Variants in MYOM2 observed in about 807,000 individuals in gnomAD.
The protein encoded by MYOM2 is myomesin 2.
MYOM2 carries 254 observed loss-of-function variants against 187.6 expected under a neutral mutation model. The observed-to-expected ratio is 1.35, with a 90% confidence interval of 1.22 to 1.50. MYOM2 has a LOEUF of 1.50. Ranked by LOEUF, MYOM2 falls within the 40% of genes most tolerant of loss-of-function variation. The probability of loss-of-function intolerance (pLI) is 0.00; values close to 1 mark genes in which losing one functional copy is unlikely to be tolerated. For synonymous variants in MYOM2, 981 were observed against 753.8 expected, an observed-to-expected ratio of 1.30 and a Z score of -4.94; for missense variants, 2,796 against 1,924.0, an observed-to-expected ratio of 1.45 and a Z score of -8.48.
chr8:2,067,336 C>G (rs758637091), intron 6 of MYOM2, among the ~76,000 whole-genome samples: 4 of 152,124 alleles, frequency 2.6e-5, no homozygotes, highest in Non-Finnish European at 4.4e-5. Context: ...TGTGTTGTTT[C>G]TTTTCCCACG....
At chr8:2,051,760 C>G (rs751769633) in intron 2 of MYOM2, among the ~76,000 whole-genome samples, 1 of 152,116 alleles carries the variant, frequency 6.6e-6, no homozygotes, top group East Asian at 1.9e-4. Flanking sequence ...CACCCCAGGG[C>G]GGGCATGTGC....
intron 10 of MYOM2, among the ~76,000 whole-genome samples, chr8:2,074,778 T>A (rs540290899): frequency 1.4e-4 from 22 of 152,310 alleles, no homozygotes; most frequent in African/African-American, 5.3e-4. Flanking sequence ...TTTATCAGTG[T>A]CTGTTTCACT....
chr8:2,128,798 G>A (rs1032218165), intron 31 of MYOM2, among the ~76,000 whole-genome samples: 2 of 152,180 alleles, frequency 1.3e-5, no homozygotes, highest in East Asian at 1.9e-4. Flanking sequence ...AACTCACGTA[G>A]CATTTGCCAT....
At chr8:2,114,883 T>C (rs946542783) in intron 25 of MYOM2, among the ~76,000 whole-genome samples, 1 of 152,098 alleles carries the variant, frequency 6.6e-6, no homozygotes, top group African/African-American at 2.4e-5. Context: ...ATGTGACAAA[T>C]TTATATACTG....
At chr8:2,120,689 A>ATATATATAT in intron 28 of MYOM2, among the ~76,000 whole-genome samples, 1 of 42,416 alleles carries the variant, frequency 2.4e-5, no homozygotes, top group Non-Finnish European at 4.7e-5. Context: ...ATTATATATA[A>ATATATATAT]ATATATAATA....
intron 34 of MYOM2, among the ~76,000 whole-genome samples, chr8:2,141,834 G>A (rs544963990): frequency 8.5e-5 from 13 of 152,202 alleles, no homozygotes; most frequent in African/African-American, 2.6e-4. Context: ...CCAAGATGGC[G>A]GTGCTGCTGC....
intron 28 of MYOM2, among the ~76,000 whole-genome samples, chr8:2,121,896 C>T (rs757085425): frequency 1.1e-4 from 16 of 152,064 alleles, no homozygotes; most frequent in Non-Finnish European, 2.1e-4. Context: ...AGTTTAGGTG[C>T]CCATATTTTA....
intron 13 of MYOM2, among the ~76,000 whole-genome samples, chr8:2,084,555 A>T (rs1819742374): frequency 6.6e-6 from 1 of 152,300 alleles, no homozygotes; most frequent in African/African-American, 2.4e-5. Context: ...CTCCTTATGA[A>T]AATCTCCTAT....
chr8:2,072,447 G>T lies in MYOM2; in HGVS notation c.896G>T (p.Cys299Phe), dbSNP rs373509557. The T allele has an allele frequency of 1.2e-6, 2 of 1,614,030 alleles. No individual in the cohort carries two copies. The highest frequency in any genetic ancestry group is 2.7e-5 in the African/African-American group (2 of 74,954). The change falls in exon 9 of 37, where the codon TGC becomes TTC. Residue 299 changes from cysteine to phenylalanine, a missense_variant. Physicochemically the swap from Cys to Phe is radical, Grantham distance 205. Coordinates refer to ENST00000262113, the MANE Select transcript of MYOM2 (RefSeq NM_003970.4). The part of the protein sequence containing the change: ...RREGETVTLK[C>F]TMLVTPDLKR... ...GAAGGCGAGACGGTCACTCTCAAGT[G>T]CACCATGCTGGTGACGCCGGACCTG... is the stretch of plus-strand genomic sequence containing the variant.
intron 19 of MYOM2, among the ~76,000 whole-genome samples, chr8:2,099,932 G>C (rs10106247): frequency 0.37 from 56,106 of 151,524 alleles, 11,233 homozygotes; most frequent in East Asian, 0.52. Flanking sequence ...CGTCTTTTGA[G>C]TTAGCAAATC....
Position 2,078,751 on chromosome 8 carries a change from A to G in MYOM2, c.1280A>G (p.Asn427Ser), listed in dbSNP as rs1299943362. The stretch of plus-strand genomic sequence containing the variant: ...ACTTGAAGATGTGAAGTAGGAACGA[A>G]TAATTGGGTGCAGTGCAATGATGCA... ...YFVDRCEVGT[N>S]NWVQCNDAPV... is the part of the protein sequence containing the mutation. The change falls in exon 12 of 37, where the codon AAT (asparagine) becomes AGT (serine). Residue 427 changes from asparagine (N) to serine (S), a missense_variant. Physicochemically the swap from Asn to Ser is conservative, Grantham distance 46. Coordinates refer to ENST00000262113, the MANE Select transcript of MYOM2 (RefSeq NM_003970.4). 2.5e-6 allele frequency: 4 copies of G among 1,614,166 alleles called. No individual in the cohort carries two copies. Among genetic ancestry groups the G allele is most frequent in the African/African-American group, 1.3e-5 (1 of 75,030 alleles).
intron 6 of MYOM2, among the ~76,000 whole-genome samples, chr8:2,066,385 C>T (rs1056334409): frequency 2.6e-5 from 4 of 152,200 alleles, no homozygotes; most frequent in Non-Finnish European, 5.9e-5. Context: ...CATTCGAATC[C>T]TTCCAGCGGT....
intron 24 of MYOM2, 94 bp downstream of exon 24, chr8:2,108,924 G>A (rs1475322043): frequency 1.6e-6 from 2 of 1,245,678 alleles, no homozygotes; most frequent in African/African-American, 1.5e-5. Flanking sequence ...ACAGCTTTGG[G>A]GAAAGGATGG....
intron 14 of MYOM2, among the ~76,000 whole-genome samples, chr8:2,086,444 TACTGTCGTGATCTCCACGTGGCCACAC>T (rs1462142941): frequency 3.4e-5 from 3 of 88,240 alleles, no homozygotes; most frequent in African/African-American, 6.0e-5. Context: ...CGTGGCCCCC[TACTGTCGTGATCTCCACGTGGCCACAC>T]ACTGTCATGA....
At position 2,057,438 on chromosome 8, in the gene MYOM2, A is replaced by T. The variant is rs767115007; in HGVS notation, c.354A>T (p.Ala118=). The change falls in exon 4 of 37, where the codon GCA becomes GCT. Residue 118 remains alanine (A), a synonymous_variant. Transcript: ENST00000262113. ...LAHLEEDVHL[A]RSQARDKLDK... Reference sequence around the variant, plus strand: ...ACTTGGAGGAGGATGTCCACCTGGCACGCTCCCAGGCCCGCGACAAGCTGG... The same window carrying T: ...ACTTGGAGGAGGATGTCCACCTGGCTCGCTCCCAGGCCCGCGACAAGCTGG... 12 of 1,614,028 alleles carry T rather than the reference A, an allele frequency of 7.4e-6. No homozygotes were observed. Among genetic ancestry groups the T allele is most frequent in the Non-Finnish European group, 7.6e-6 (9 of 1,179,996 alleles).
At chr8:2,072,624 C>G (rs1819272085) in intron 9 of MYOM2, 115 bp downstream of exon 9, 5 of 1,278,976 alleles carry the variant, frequency 3.9e-6, no homozygotes, top group East Asian at 2.5e-5. Flanking sequence ...CAGCTCCAGA[C>G]AGCGAAACAA....
Position 2,057,506 on chromosome 8 carries a change from G to C in MYOM2, c.402+20G>C, listed in dbSNP as rs3765206. ...CAGATGGTAGGAGGGTCTCAGGGTG[G>C]CTGGGTGTCTGGGAAGCGTGGACTA... On this transcript the variant is annotated intron_variant, in intron 4 of 36. Transcript: ENST00000262113. The C allele has an allele frequency of 6.2e-7, 1 of 1,612,846 alleles. No individual in the cohort carries two copies. The highest frequency in any genetic ancestry group is 1.3e-5 in the African/African-American group (1 of 74,864).
At chr8:2,121,783 C>G (rs1797468604) in intron 28 of MYOM2, among the ~76,000 whole-genome samples, 1 of 152,166 alleles carries the variant, frequency 6.6e-6, no homozygotes, top group South Asian at 2.1e-4. Context: ...CCTTACACAG[C>G]AGAAGTGGAG....
chr8:2,137,566 G>T (rs1329151554), intron 32 of MYOM2, among the ~76,000 whole-genome samples: 1 of 141,342 alleles, frequency 7.1e-6, no homozygotes, highest in Non-Finnish European at 1.5e-5. Flanking sequence ...GTGCCTGGTT[G>T]TGTGTGTGTG....
Sources: gnomAD v4.1 joint callset for allele counts (sites outside exome capture counted in the v4.1 genomes callset) on GRCh38, gnomAD v4.1.1 for gene constraint, MANE v1.5 for transcripts, NCBI Gene and HGNC (gene_info 2026-07-23, HGNC 2026-07-21) for gene names.